Variants in AGPS observed in about 807,000 individuals in gnomAD.
AGPS encodes alkyldihydroxyacetonephosphate synthase, peroxisomal.
In AGPS, 26 loss-of-function variants were observed where a neutral mutation model predicts 90.7. The observed-to-expected ratio is 0.29, with a 90% CI of 0.21 to 0.40. AGPS has a LOEUF of 0.40. AGPS is among the 10% of genes least tolerant of loss of function. AGPS has a pLI of 1.00. For synonymous variants in AGPS, 294 were observed against 285.3 expected, an observed-to-expected ratio of 1.03 and a Z score of -0.31; for missense variants, 540 against 816.1, an observed-to-expected ratio of 0.66 and a Z score of 4.12.
At chr2:177,458,747 G>A (rs1197237343) in intron 8 of AGPS, among the ~76,000 whole-genome samples, 1 of 152,160 alleles carries the variant, frequency 6.6e-6, no homozygotes, top group Non-Finnish European at 1.5e-5. Flanking sequence ...TGGCCATACT[G>A]CCCAAAGTAA....
intron 19 of AGPS, among the ~76,000 whole-genome samples, chr2:177,524,917 G>T (rs2079068094): frequency 6.6e-6 from 1 of 152,160 alleles, no homozygotes. Flanking sequence ...GGAAAAGATT[G>T]CTAATGTTGA....
chr2:177,527,248 C>T (rs1428683669), intron 19 of AGPS, among the ~76,000 whole-genome samples: 1 of 151,866 alleles, frequency 6.6e-6, no homozygotes, highest in Admixed American at 6.6e-5. Context: ...GGCAACATGG[C>T]AAAACCCCAT....
chr2:177,454,332 C>T (rs1687049116), intron 8 of AGPS, among the ~76,000 whole-genome samples: 2 of 152,014 alleles, frequency 1.3e-5, no homozygotes, highest in Admixed American at 6.5e-5. Flanking sequence ...CTTTTCTGCT[C>T]TTAATCCCAT....
intron 11 of AGPS, among the ~76,000 whole-genome samples, chr2:177,491,127 T>A (rs1368426704): frequency 9.8e-6 from 1 of 101,854 alleles, no homozygotes; most frequent in Non-Finnish European, 2.1e-5. Flanking sequence ...ATGCTGAGAT[T>A]ATAGGTGTGA....
chr2:177,423,955 G>C (rs1328615819), intron 2 of AGPS, among the ~76,000 whole-genome samples: 1 of 151,654 alleles, frequency 6.6e-6, no homozygotes, highest in African/African-American at 2.4e-5. Context: ...TTTTCCTTCA[G>C]CTTTTAAGTT....
intron 8 of AGPS, among the ~76,000 whole-genome samples, chr2:177,447,852 G>A (rs1253034626): frequency 6.6e-6 from 1 of 152,102 alleles, no homozygotes; most frequent in Non-Finnish European, 1.5e-5. Context: ...GAGGTAACCA[G>A]TTTAAAACAT....
chr2:177,490,166 C>A (rs1688208840), intron 11 of AGPS, among the ~76,000 whole-genome samples: 1 of 152,048 alleles, frequency 6.6e-6, no homozygotes, highest in Non-Finnish European at 1.5e-5. Context: ...TTATTTTGAT[C>A]TCTTGATTAT....
chr2:177,445,453 CTT>C, intron 7 of AGPS, 91 bp from the exon 8 acceptor site: 1 of 1,112,006 alleles, frequency 9.0e-7, no homozygotes, highest in Non-Finnish European at 1.4e-6. Context: ...TAATCACTGT[CTT>C]ACCACTTGTT....
Position 177,492,995 on chromosome 2 carries a change from A to C in AGPS, c.1234-153A>C, listed in dbSNP as rs543044206. Among the ~76,000 whole-genome samples the C allele has an allele frequency of 5.3e-5, 8 of 152,256 alleles. No homozygotes were observed. The South Asian group carries it at 1.7e-3, about 32-fold the overall frequency. On this transcript the variant is annotated intron_variant, in intron 11 of 19. Coordinates refer to ENST00000264167, the MANE Select transcript of AGPS (RefSeq NM_003659.4). ...GAAGTCATTGATATTTGTCTTCATA[A>C]AAGTATATGAAAAGTTAACTTTTTT...
intron 9 of AGPS, among the ~76,000 whole-genome samples, chr2:177,466,802 C>T (rs1159966510): frequency 6.6e-6 from 1 of 152,106 alleles, no homozygotes; most frequent in Non-Finnish European, 1.5e-5. Flanking sequence ...TCCGAGCCTG[C>T]AGGGGCTGGG....
rs16865337 is a variant in AGPS, at chr2:177,536,837, A to G, written c.1856-1237A>G. Among the ~76,000 whole-genome samples the G allele has an allele frequency of 4.0e-3, 612 of 152,270 alleles. 5 individuals are homozygous for G. Among genetic ancestry groups the G allele is most frequent in the East Asian group, 0.032 (168 of 5,182 alleles). ...TTTGATGACAATTTGATGGTTTCTT[A>G]GAGAACTGGACACAAAAGATGGTTT... On this transcript the variant is annotated intron_variant, in intron 19 of 19. Coordinates refer to ENST00000264167, the MANE Select transcript of AGPS (RefSeq NM_003659.4).
intron 7 of AGPS, 59 bp downstream of exon 7, chr2:177,442,545 T>C: frequency 7.2e-7 from 1 of 1,379,580 alleles, no homozygotes; most frequent in South Asian, 1.2e-5. Flanking sequence ...ACCTTAATTG[T>C]CATTAAAAAA....
At chr2:177,467,338 TAATG>T (rs930881893) in intron 9 of AGPS, among the ~76,000 whole-genome samples, 13 of 152,344 alleles carry the variant, frequency 8.5e-5, no homozygotes, top group African/African-American at 2.9e-4. Flanking sequence ...AACTCCCTCT[TAATG>T]AACATTTAAA....
At position 177,542,208 on chromosome 2, in the gene AGPS, A is replaced by G. The variant is rs1359276818; in HGVS notation, c.*4013A>G. The G allele has an allele frequency of 2.6e-5, 4 of 152,120 alleles. No individual in the cohort carries two copies. In the East Asian group the frequency reaches 7.7e-4, roughly 29 times the overall value. The allele number at this position is 152,120 out of a possible 1,614,324, so 9.4% of individuals were successfully genotyped here. A position where few individuals can be genotyped will look rare whatever the true frequency, so the allele number is the denominator to read the frequency against. Reference sequence around the variant, plus strand: ...ATAATCAAGTGCAAAATCAAGTGCAACCTACTTGTGACTAAATCTCTTTGG... The same window carrying G: ...ATAATCAAGTGCAAAATCAAGTGCAGCCTACTTGTGACTAAATCTCTTTGG... On this transcript the variant is annotated 3_prime_UTR_variant, in exon 20 of 20. Coordinates refer to ENST00000264167, the MANE Select transcript of AGPS (RefSeq NM_003659.4).
In AGPS at chr2:177,505,551, G is replaced by A. The variant is rs1688684190; in HGVS notation, c.1521G>A (p.Leu507=). Residue 507 remains leucine, a synonymous_variant, in exon 15 of 20, where the codon CTG becomes CTA. Transcript: ENST00000264167. ...GEDNGQRGYL[L]TYVIAYIRDL... The stretch of plus-strand genomic sequence containing the variant: ...ATAATGGACAGAGAGGTTATTTGCT[G>A]ACCTATGTTATTGCATACATTCGAG... The A allele has an allele frequency of 1.2e-6, 2 of 1,612,144 alleles. No individual in the cohort carries two copies. The highest frequency in any genetic ancestry group is 1.7e-6 in the Non-Finnish European group (2 of 1,178,884).
chr2:177,482,862 A>G (rs1171103881), intron 11 of AGPS, among the ~76,000 whole-genome samples: 6 of 152,248 alleles, frequency 3.9e-5, no homozygotes, highest in East Asian at 1.9e-4. Context: ...GGAAATTTCT[A>G]CGTCTCTCTC....
chr2:177,463,980 T>C (rs924071472), intron 9 of AGPS, among the ~76,000 whole-genome samples: 2 of 152,184 alleles, frequency 1.3e-5, no homozygotes, highest in Non-Finnish European at 2.9e-5. Context: ...TCGCTCTTGT[T>C]GCCCAGGCTG....
intron 11 of AGPS, among the ~76,000 whole-genome samples, chr2:177,486,318 GT>G (rs1688091356): frequency 6.6e-6 from 1 of 152,148 alleles, no homozygotes; most frequent in Admixed American, 6.5e-5. Flanking sequence ...TGGATAAAAG[GT>G]TTTATAATGG....
intron 8 of AGPS, among the ~76,000 whole-genome samples, chr2:177,452,713 T>C (rs1040202670): frequency 6.6e-5 from 10 of 152,152 alleles, no homozygotes; most frequent in African/African-American, 2.4e-4. Context: ...CATCTTGCTA[T>C]TCATTTTCTG....
Sources: allele counts gnomAD v4.1 joint callset (sites outside exome capture counted in the v4.1 genomes callset), GRCh38; gene constraint gnomAD v4.1.1; transcripts MANE v1.5; gene names NCBI Gene and HGNC (gene_info 2026-07-23, HGNC 2026-07-21).